USP35: variants seen among roughly 807,000 people sequenced by gnomAD.
The protein encoded by USP35 is ubiquitin carboxyl-terminal hydrolase 35.
Under a neutral mutation model 83.8 loss-of-function variants are expected in USP35, and 69 were observed. That is an observed-to-expected ratio of 0.82 (90% CI 0.68 to 1.01). The LOEUF (loss-of-function observed/expected upper bound fraction) is 1.01, where lower values mean the gene tolerates loss of function less well. Ranked by LOEUF, USP35 falls within the 50% of genes least tolerant of loss-of-function variation. The probability of loss-of-function intolerance (pLI) is 0.00; values close to 1 mark genes in which losing one functional copy is unlikely to be tolerated. For missense variants in USP35, 1,503 were observed against 1,362.5 expected (o/e 1.10, Z -1.62); for synonymous variants, 714 against 589.5 (o/e 1.21, Z -3.06).
At position 78,188,999 on chromosome 11, in the gene USP35, G is replaced by A; in HGVS notation, c.-169G>A. ...AGGCGGGGTGGGAAGACTGGATTTT[G>A]CAGTGGAAGCAGCATCTCTTCCGTC... On this transcript the variant is annotated 5_prime_UTR_variant, in exon 1 of 11. Coordinates refer to ENST00000529308, the MANE Select transcript of USP35 (RefSeq NM_020798.4). 1.0e-6 allele frequency: 1 copy of A among 965,196 alleles called. No homozygotes were observed. The highest frequency in any genetic ancestry group is 1.2e-6 in the Non-Finnish European group (1 of 811,478). The allele number at this position is 965,196 out of a possible 1,614,324, so 59.8% of individuals were successfully genotyped here. A position where few individuals can be genotyped will look rare whatever the true frequency, so the allele number is the denominator to read the frequency against.
intron 6 of USP35, among the ~76,000 whole-genome samples, chr11:78,205,050 G>A (rs1055077007): frequency 1.4e-4 from 22 of 152,200 alleles, no homozygotes; most frequent in Admixed American, 2.6e-4. Flanking sequence ...TCTAAGTAGC[G>A]GGATGTGGTG....
At chr11:78,209,009 T>G in intron 9 of USP35, 46 bp downstream of exon 9, 1 of 1,586,672 alleles carries the variant, frequency 6.3e-7, no homozygotes, top group Non-Finnish European at 8.6e-7. Flanking sequence ...TAGAGGGTCC[T>G]TGGGGGCAAG....
At chr11:78,215,332 C>T (rs988209747), downstream of USP35, 4 of 152,534 alleles carry the variant, frequency 2.6e-5, no homozygotes, top group Admixed American at 6.5e-5. Flanking sequence ...TGTCCTGCTC[C>T]AACACCACAG....
chr11:78,235,443 C>T, the USP35 span, among the ~76,000 whole-genome samples: 2 of 152,156 alleles, frequency 1.3e-5, no homozygotes, highest in East Asian at 1.9e-4. Context: ...TGAGCCACTG[C>T]GCCCGGCTGG....
rs1199233728 is a variant in USP35 at position 78,210,213 on chromosome 11, C to T, written c.2358C>T (p.Ala786=). ...ACCGCTACTACTGCGAGTCGTGTGC[C>T]TCCCTGCAGGATGCCGAGAAGGTGG... The part of the protein sequence containing the change: ...AENRYYCESC[A]SLQDAEKVVE... The change falls in exon 10 of 11, where the codon GCC becomes GCT. Residue 786 remains alanine, a synonymous_variant. Transcript: ENST00000529308. 20 of 1,613,982 alleles carry T rather than the reference C, an allele frequency of 1.2e-5. No individual in the cohort carries two copies. Among genetic ancestry groups the T allele is most frequent in the Non-Finnish European group, 1.7e-5 (20 of 1,180,038 alleles).
At chr11:78,227,174 A>G in the USP35 span, 215 of 665,808 alleles carry the variant, frequency 3.2e-4, no homozygotes, top group Non-Finnish European at 4.5e-4. Context: ...GACTAAAAGC[A>G]TATTTTGAAG....
rs996733052 is a variant in USP35, at chr11:78,189,004, G to C, written c.-164G>C. 13 of 960,382 alleles carry C rather than the reference G, an allele frequency of 1.4e-5. No individual in the cohort carries two copies. Among genetic ancestry groups the C allele is most frequent in the Middle Eastern group, 5.3e-4 (1 of 1,880 alleles). 59.5% of individuals were successfully genotyped at this position (960,382 alleles called of 1,614,324 possible). On this transcript the variant is annotated 5_prime_UTR_variant, in exon 1 of 11. Coordinates refer to ENST00000529308, the MANE Select transcript of USP35 (RefSeq NM_020798.4). ...GGGTGGGAAGACTGGATTTTGCAGTGGAAGCAGCATCTCTTCCGTCTGGGA... is the reference window on the plus strand; with the variant it reads ...GGGTGGGAAGACTGGATTTTGCAGTCGAAGCAGCATCTCTTCCGTCTGGGA...
downstream of USP35, chr11:78,216,854 G>C (rs1218675172): frequency 1.3e-5 from 2 of 152,200 alleles, no homozygotes; most frequent in Non-Finnish European, 2.9e-5. Flanking sequence ...CACATTCAGG[G>C]CTGGGCAGAG....
In USP35 at chr11:78,196,140, A is replaced by G; in HGVS notation, c.-10-96A>G. The G allele has an allele frequency of 6.9e-7, 1 of 1,442,164 alleles. No individual in the cohort carries two copies. The highest frequency in any genetic ancestry group is 9.1e-7 in the Non-Finnish European group (1 of 1,104,692). The allele number at this position is 1,442,164 out of a possible 1,614,324, so 89.3% of individuals were successfully genotyped here. A position where few individuals can be genotyped will look rare whatever the true frequency, so the allele number is the denominator to read the frequency against. On this transcript the variant is annotated intron_variant, in intron 1 of 10. Transcript: ENST00000529308. The surrounding 1 kb of genome is among the most constrained non-coding windows in gnomAD (Gnocchi z 4.8). ...AGAAAACTGAGGCCCAGAAAGTTTG[A>G]GTTGCTTGCCCTAAGTCTCAGCACT...
chr11:78,231,866 A>G, the USP35 span: 1 of 152,244 alleles, frequency 6.6e-6, no homozygotes, highest in Non-Finnish European at 1.5e-5. Flanking sequence ...AATGCTTGTA[A>G]GTAGATTAAA....
chr11:78,209,615 C>T lies in USP35; in HGVS notation c.1760C>T (p.Ser587Phe). 1 of 1,614,150 alleles carries T rather than the reference C, an allele frequency of 6.2e-7. No homozygotes were observed. The highest frequency in any genetic ancestry group is 2.2e-5 in the East Asian group (1 of 44,858). Residue 587 changes from serine to phenylalanine, a missense_variant, in exon 10 of 11, where the codon TCC becomes TTC. Transcript: ENST00000529308. ...RICCLCCLNV[S>F]SREEAFTDLS... is the part of the protein sequence containing the mutation. ...TGCTGTCTCTGCTGCCTCAACGTCT[C>T]CTCCCGGGAGGAGGCCTTCACGGAC... is the stretch of plus-strand genomic sequence containing the variant.
chr11:78,221,895 A>C, the USP35 span: 1 of 708,808 alleles, frequency 1.4e-6, no homozygotes. Context: ...AGAGCTGCAC[A>C]CTCCATCAGA....
chr11:78,210,121 G>C lies in USP35; in HGVS notation c.2266G>C (p.Glu756Gln). ...IPSGERTCGSEGSRSVLDLVN... is the reference protein window; with the variant it reads ...IPSGERTCGSQGSRSVLDLVN... ...CTCCGGGGAGCGGACATGTGGCTCT[G>C]AGGGCTCCCGCTCCGTCCTGGACCT... Residue 756 changes from glutamate (E) to glutamine (Q), a missense_variant, in exon 10 of 11, where the codon GAG (glutamate) becomes CAG (glutamine). Transcript: ENST00000529308. 1 of 1,613,816 alleles carries C rather than the reference G, an allele frequency of 6.2e-7. No individual in the cohort carries two copies. The highest frequency in any genetic ancestry group is 8.5e-7 in the Non-Finnish European group (1 of 1,179,896).
At chr11:78,195,432 G>A (rs1487555232) in intron 1 of USP35, among the ~76,000 whole-genome samples, 1 of 152,170 alleles carries the variant, frequency 6.6e-6, no homozygotes, top group African/African-American at 2.4e-5. Context: ...GAAGGAGCAG[G>A]GAGTTGAGGC....
intron 7 of USP35, among the ~76,000 whole-genome samples, chr11:78,206,639 T>C (rs769078107): frequency 6.6e-6 from 1 of 152,242 alleles, no homozygotes; most frequent in Non-Finnish European, 1.5e-5. Context: ...AGTTTTGTTT[T>C]TCTTTTCTAA....
chr11:78,204,823 G>A lies in USP35; in HGVS notation c.1198-1019G>A, dbSNP rs1016715809. Among the ~76,000 whole-genome samples, 10 of 152,202 alleles carry A rather than the reference G, an allele frequency of 6.6e-5. No homozygotes were observed. The South Asian group carries it at 1.2e-3, about 19-fold the overall frequency. ...GACTGACTGCTCTGATAAATTATCC[G>A]ATAAATGATCCTGGGAGGTGAATGA... On this transcript the variant is annotated intron_variant, in intron 6 of 10. Coordinates refer to ENST00000529308, the MANE Select transcript of USP35 (RefSeq NM_020798.4).
chr11:78,198,806 C>T (rs892180242), intron 3 of USP35: 10 of 628,168 alleles, frequency 1.6e-5, no homozygotes, highest in African/African-American at 2.0e-5. Flanking sequence ...TTTGAGTTTC[C>T]TCAACTGTAA....
In USP35 at chr11:78,210,204, G is replaced by A; in HGVS notation, c.2349G>A (p.Glu783=). The A allele has an allele frequency of 6.2e-7, 1 of 1,614,024 alleles. No individual in the cohort carries two copies. Among genetic ancestry groups the A allele is most frequent in the South Asian group, 1.1e-5 (1 of 91,080 alleles). The change falls in exon 10 of 11, where the codon GAG becomes GAA. Residue 783 remains glutamate (E), a synonymous_variant. Transcript: ENST00000529308. ...CAGCAGAAAACCGCTACTACTGCGA[G>A]TCGTGTGCCTCCCTGCAGGATGCCG... ...KLTAENRYYC[E]SCASLQDAEK...
At chr11:78,232,121 GC>G in the USP35 span, among the ~76,000 whole-genome samples, 49 of 152,350 alleles carry the variant, frequency 3.2e-4, 1 homozygote, top group Admixed American at 2.4e-3. Flanking sequence ...TGTATATTTT[GC>G]CTTTGGTCAG....
Sources: gnomAD v4.1 joint callset for allele counts (sites outside exome capture counted in the v4.1 genomes callset) on GRCh38, gnomAD v4.1.1 for gene constraint, Gnocchi (gnomAD v3.1) non-coding constraint, MANE v1.5 for transcripts, NCBI Gene and HGNC (gene_info 2026-07-23, HGNC 2026-07-21) for gene names.